EVA1C: variants seen among roughly 807,000 people sequenced by gnomAD.
The protein encoded by EVA1C is protein eva-1 homolog C.
EVA1C carries 25 observed loss-of-function variants against 45.4 expected under a neutral mutation model. That is an observed-to-expected ratio of 0.55 (90% confidence interval 0.40 to 0.77). The LOEUF is 0.77. EVA1C is among the 30% of genes least tolerant of loss of function. The pLI is 0.00. For missense variants in EVA1C, 479 were observed against 554.8 expected (o/e 0.86, Z 1.37); for synonymous variants, 190 against 221.2 (o/e 0.86, Z 1.25).
intron 7 of EVA1C, among the ~76,000 whole-genome samples, chr21:32,510,871 CA>C (rs1166532118): frequency 3.3e-5 from 5 of 151,720 alleles, no homozygotes; most frequent in African/African-American, 1.2e-4. Context: ...CTCATCTTTA[CA>C]AAAAAATATA....
intron 6 of EVA1C, among the ~76,000 whole-genome samples, chr21:32,502,379 G>A (rs1408545699): frequency 7.9e-5 from 12 of 152,122 alleles, no homozygotes; most frequent in Non-Finnish European, 1.5e-5. Context: ...GATTACAGGT[G>A]TGAACCACCG....
At chr21:32,419,403 A>G (rs190368418) in intron 1 of EVA1C, among the ~76,000 whole-genome samples, 2 of 152,322 alleles carry the variant, frequency 1.3e-5, no homozygotes, top group Non-Finnish European at 2.9e-5. Context: ...TGAACCCAGT[A>G]CCTATTGGGT....
intron 4 of EVA1C, among the ~76,000 whole-genome samples, chr21:32,481,199 ACG>A (rs1333718393): frequency 9.2e-5 from 14 of 152,126 alleles, no homozygotes; most frequent in Admixed American, 2.0e-4. Flanking sequence ...ATGTTTGGAA[ACG>A]TTAGACTTCT....
At chr21:32,497,348 G>A (rs1245141896) in intron 5 of EVA1C, 4 of 474,976 alleles carry the variant, frequency 8.4e-6, no homozygotes, top group Non-Finnish European at 1.5e-5. Flanking sequence ...GTTGAGCCAA[G>A]AAACCATGGG....
intron 4 of EVA1C, among the ~76,000 whole-genome samples, chr21:32,478,228 A>G (rs1444309100): frequency 6.6e-6 from 1 of 151,392 alleles, no homozygotes; most frequent in Non-Finnish European, 1.5e-5. Flanking sequence ...ATATATATAT[A>G]TATTTTTTGA....
At chr21:32,514,067 T>C (rs2038058015) in intron 7 of EVA1C, among the ~76,000 whole-genome samples, 1 of 152,178 alleles carries the variant, frequency 6.6e-6, no homozygotes, top group Admixed American at 6.5e-5. Context: ...CTAGAAGTGA[T>C]TTAAAGAATA....
chr21:32,501,848 G>A (rs9982108), intron 6 of EVA1C, among the ~76,000 whole-genome samples: 1,577 of 152,178 alleles, frequency 0.01, 24 homozygotes, highest in African/African-American at 0.036. Context: ...TGGAACCTGC[G>A]TAGGCGCCAG....
intron 4 of EVA1C, among the ~76,000 whole-genome samples, chr21:32,489,522 G>A (rs1435376454): frequency 6.6e-6 from 1 of 152,154 alleles, no homozygotes; most frequent in African/African-American, 2.4e-5. Context: ...GATTTTGTGA[G>A]TAAGTAGTGT....
intron 1 of EVA1C, among the ~76,000 whole-genome samples, chr21:32,432,862 A>G (rs2034766362): frequency 6.6e-6 from 1 of 151,888 alleles, no homozygotes; most frequent in African/African-American, 2.4e-5. Context: ...CTGGGACTAC[A>G]GGTGTGCACC....
intron 1 of EVA1C, among the ~76,000 whole-genome samples, chr21:32,439,578 A>G (rs2833828): frequency 0.51 from 77,802 of 151,994 alleles, 20,732 homozygotes; most frequent in African/African-American, 0.64. Context: ...TGAGAGACCT[A>G]TCTGAAATCC....
At chr21:32,490,200 C>T (rs1303221378) in intron 4 of EVA1C, among the ~76,000 whole-genome samples, 5 of 152,044 alleles carry the variant, frequency 3.3e-5, no homozygotes, top group South Asian at 2.1e-4. Flanking sequence ...TCTTGACAAT[C>T]GCAACTCAAA....
intron 5 of EVA1C, among the ~76,000 whole-genome samples, chr21:32,498,439 CAAAAA>C (rs552076847): frequency 3.8e-5 from 3 of 79,756 alleles, no homozygotes; most frequent in African/African-American, 4.2e-5. Context: ...AACTCTGTCT[CAAAAA>C]AAAAAAAAAA....
chr21:32,418,546 C>T (rs1261103384), intron 1 of EVA1C, among the ~76,000 whole-genome samples: 2 of 152,208 alleles, frequency 1.3e-5, no homozygotes, highest in African/African-American at 4.8e-5. Context: ...TATCTGATTT[C>T]ATCCTCGTAG....
At chr21:32,436,977 T>C (rs776353980) in intron 1 of EVA1C, among the ~76,000 whole-genome samples, 6 of 152,116 alleles carry the variant, frequency 3.9e-5, no homozygotes, top group Non-Finnish European at 7.4e-5. Flanking sequence ...CTAGCCCATA[T>C]GGTGAAACCC....
intron 4 of EVA1C, 80 bp from the exon 5 acceptor site, chr21:32,494,947 A>G: frequency 1.4e-6 from 2 of 1,394,420 alleles, no homozygotes; most frequent in South Asian, 2.6e-5. Context: ...CAGCATATTT[A>G]TTTACAGAGA....
intron 4 of EVA1C, among the ~76,000 whole-genome samples, chr21:32,485,241 C>T (rs564363058): frequency 1.3e-5 from 2 of 152,120 alleles, no homozygotes; most frequent in South Asian, 2.1e-4. Context: ...AGTGCAATGG[C>T]GCAATCTCGC....
chr21:32,492,176 T>C (rs2037181343), intron 4 of EVA1C, among the ~76,000 whole-genome samples: 1 of 152,108 alleles, frequency 6.6e-6, no homozygotes, highest in Non-Finnish European at 1.5e-5. Context: ...ACCAGGGTGA[T>C]GAGCACCAGG....
intron 1 of EVA1C, among the ~76,000 whole-genome samples, chr21:32,447,546 ATAACT>A (rs1315142377): frequency 1.0e-4 from 14 of 139,138 alleles, no homozygotes; most frequent in Admixed American, 4.3e-4. Flanking sequence ...TTTTTTTTTG[ATAACT>A]TAATCACATC....
At chr21:32,443,376 A>C (rs2035250381) in intron 1 of EVA1C, among the ~76,000 whole-genome samples, 1 of 152,128 alleles carries the variant, frequency 6.6e-6, no homozygotes, top group South Asian at 2.1e-4. Flanking sequence ...TCTACTAAAA[A>C]TACAAAAAAA....
Sources: allele counts gnomAD v4.1 joint callset (sites outside exome capture counted in the v4.1 genomes callset), GRCh38; gene constraint gnomAD v4.1.1; transcripts MANE v1.5; gene names NCBI Gene and HGNC (gene_info 2026-07-23, HGNC 2026-07-21).